The following DNAH11 variants were observed in gnomAD, a reference collection of about 807,000 sequenced individuals.
The protein encoded by DNAH11 is axonemal beta dynein heavy chain 11.
Under a neutral mutation model 526.0 loss-of-function variants are expected in DNAH11, and 442 were observed. The observed-to-expected ratio is 0.84, with a 90% CI of 0.78 to 0.91. DNAH11 has a LOEUF of 0.91. Ranked by LOEUF, DNAH11 falls within the 40% of genes least tolerant of loss-of-function variation. DNAH11 has a pLI of 0.00. For missense variants in DNAH11, 6,989 were observed against 5,448.7 expected (o/e 1.28, Z -8.90); for synonymous variants, 2,461 against 1,935.9 (o/e 1.27, Z -7.12).
chr7:21,745,130 T>G, intron 51 of DNAH11, 67 bp downstream of exon 51: 1 of 1,475,850 alleles, frequency 6.8e-7, no homozygotes, highest in Non-Finnish European at 9.2e-7. Flanking sequence ...TACTGTCATT[T>G]TTCAATAGAT....
chr7:21,707,554 T>A, intron 39 of DNAH11, 145 bp from the exon 40 acceptor site: 1 of 983,172 alleles, frequency 1.0e-6, no homozygotes, highest in Non-Finnish European at 1.4e-6. Flanking sequence ...AATGCACACA[T>A]GTGCATTTTT....
chr7:21,596,636 A>G (rs939535798), intron 14 of DNAH11, among the ~76,000 whole-genome samples: 30 of 152,372 alleles, frequency 2.0e-4, no homozygotes, highest in African/African-American at 6.5e-4. Context: ...CCATTAAGAT[A>G]TGAATCCTGA....
intron 2 of DNAH11, among the ~76,000 whole-genome samples, chr7:21,552,474 C>G (rs1357755465): frequency 2.6e-5 from 4 of 152,124 alleles, no homozygotes; most frequent in Non-Finnish European, 5.9e-5. Flanking sequence ...TATTTAACTT[C>G]TTTTTCTACA....
chr7:21,631,911 A>T (rs754153939), intron 25 of DNAH11, among the ~76,000 whole-genome samples: 1 of 152,132 alleles, frequency 6.6e-6, no homozygotes, highest in Admixed American at 6.5e-5. Context: ...CTGATCCCAC[A>T]TTTCCCTTCT....
At chr7:21,785,914 GGAAATACCTGGTT>G (rs1013553182) in intron 58 of DNAH11, among the ~76,000 whole-genome samples, 2 of 152,194 alleles carry the variant, frequency 1.3e-5, no homozygotes, top group Admixed American at 1.3e-4. Context: ...AAGTATCACA[GGAAATACCTGGTT>G]GGTTGTTTTT....
Position 21,901,184 on chromosome 7 carries a change from T to TCAGGCTGAAGAGCG in DNAH11, c.13482_13495dup (p.Glu4499AlafsTer3). On this transcript the variant is annotated frameshift_variant, in exon 82 of 82. Coordinates refer to ENST00000409508, the MANE Select transcript of DNAH11 (RefSeq NM_001277115.2). LOFTEE classifies it high-confidence loss of function. ...AGAGGCCCCAGCTACATCTGGACCT[T>TCAGGCTGAAGAGCG]CAGGCTGAAGAGCGAAGAGAAGACT... 1 of 1,613,880 alleles carries TCAGGCTGAAGAGCG rather than the reference T, an allele frequency of 6.2e-7. No individual in the cohort carries two copies. The highest frequency in any genetic ancestry group is 8.5e-7 in the Non-Finnish European group (1 of 1,179,858).
intron 68 of DNAH11, among the ~76,000 whole-genome samples, chr7:21,859,867 G>A (rs1458421441): frequency 6.6e-6 from 1 of 151,990 alleles, no homozygotes; most frequent in Non-Finnish European, 1.5e-5. Flanking sequence ...GAAAGTACAT[G>A]GGAACAACAA....
At chr7:21,549,154 C>T (rs139329535) in intron 2 of DNAH11, among the ~76,000 whole-genome samples, 2 of 152,302 alleles carry the variant, frequency 1.3e-5, no homozygotes, top group African/African-American at 4.8e-5. Flanking sequence ...CCTGGGAATA[C>T]AGGCATGAGC....
intron 45 of DNAH11, among the ~76,000 whole-genome samples, chr7:21,728,339 C>T (rs1785228106): frequency 7.0e-6 from 1 of 143,338 alleles, no homozygotes. Context: ...CTCACTGCAA[C>T]CTCAGCCTCC....
chr7:21,736,920 A>C (rs2128489455), intron 46 of DNAH11, among the ~76,000 whole-genome samples: 1 of 152,288 alleles, frequency 6.6e-6, no homozygotes, highest in South Asian at 2.1e-4. Flanking sequence ...TTTCATTTGC[A>C]GATATGAAAG....
intron 51 of DNAH11, among the ~76,000 whole-genome samples, chr7:21,746,095 T>C (rs1472182208): frequency 1.3e-5 from 2 of 152,102 alleles, no homozygotes; most frequent in Non-Finnish European, 2.9e-5. Flanking sequence ...TGAGAAGTGG[T>C]TGGATGGGTT....
At chr7:21,583,983 G>C (rs1784400720) in intron 9 of DNAH11, among the ~76,000 whole-genome samples, 1 of 152,162 alleles carries the variant, frequency 6.6e-6, no homozygotes, top group Admixed American at 6.6e-5. Flanking sequence ...GTTGGTGGGA[G>C]TGCAAATTAG....
In DNAH11 at chr7:21,818,285, C is replaced by A; in HGVS notation, c.10637C>A (p.Thr3546Lys). ...DVILIENLEETIDPVLDPLLG... is the reference protein window; with the variant it reads ...DVILIENLEEKIDPVLDPLLG... ...ATCTTAATTGAAAATCTCGAGGAAA[C>A]GATAGATCCAGTCCTGGATCCACTA... The change falls in exon 65 of 82, where the codon ACG becomes AAG. Residue 3546 changes from threonine (T) to lysine (K), a missense_variant. By Grantham distance (78) the Thr-to-Lys change is moderately conservative. Transcript: ENST00000409508. 1 of 1,611,784 alleles carries A rather than the reference C, an allele frequency of 6.2e-7. No homozygotes were observed. The highest frequency in any genetic ancestry group is 8.5e-7 in the Non-Finnish European group (1 of 1,178,882).
At chr7:21,615,342 A>G (rs574342426) in intron 21 of DNAH11, 70 bp downstream of exon 21, 5 of 1,535,270 alleles carry the variant, frequency 3.3e-6, no homozygotes, top group African/African-American at 2.8e-5. Flanking sequence ...TGTGGAGCCT[A>G]TATTATTCTA....
At position 21,707,782 on chromosome 7, in the gene DNAH11, A is replaced by C. The variant is rs1304334541; in HGVS notation, c.6630A>C (p.Thr2210=). The change falls in exon 40 of 82, where the codon ACA becomes ACC. Residue 2210 remains threonine (T), a synonymous_variant. Coordinates refer to ENST00000409508, the MANE Select transcript of DNAH11 (RefSeq NM_001277115.2). ...ACTTAAACCCTAAAGCTGTGACAAC[A>C]GATGAACTCTTTGGTTTCATACATC... is the stretch of plus-strand genomic sequence containing the variant. ...WNDLNPKAVT[T]DELFGFIHHA... 6.2e-7 allele frequency: 1 copy of C among 1,612,792 alleles called. No individual in the cohort carries two copies. The highest frequency in any genetic ancestry group is 1.3e-5 in the African/African-American group (1 of 74,892).
rs1583787819 is a variant in DNAH11 at position 21,864,529 on chromosome 7, C to T, written c.11374-6C>T. On this transcript the variant is annotated splice_polypyrimidine_tract_variant and splice_region_variant and intron_variant, in intron 69 of 81. Transcript: ENST00000409508. ...ATAATCCTTTTCAATTTTGTCTACT[C>T]TCAAGATTTTGTTGAGAAAGAAAGA... The T allele has an allele frequency of 1.2e-6, 2 of 1,610,356 alleles. No individual in the cohort carries two copies. The highest frequency in any genetic ancestry group is 1.7e-6 in the Non-Finnish European group (2 of 1,178,460).
chr7:21,786,953 G>A (rs1324142692), intron 59 of DNAH11, among the ~76,000 whole-genome samples, 186 bp downstream of exon 59: 3 of 152,166 alleles, frequency 2.0e-5, no homozygotes, highest in Non-Finnish European at 2.9e-5. Context: ...AGTTAGCTTG[G>A]GGTTATGGCA....
chr7:21,800,451 G>A (rs1050892786), intron 61 of DNAH11, among the ~76,000 whole-genome samples: 2 of 152,120 alleles, frequency 1.3e-5, no homozygotes, highest in African/African-American at 4.8e-5. Flanking sequence ...GGCCAACATG[G>A]CGAAACCTCA....
At chr7:21,543,843 T>G (rs1159598015) in intron 1 of DNAH11, 1 of 549,948 alleles carries the variant, frequency 1.8e-6, no homozygotes, top group Non-Finnish European at 3.2e-6. Flanking sequence ...TTGAGCCTGT[T>G]CGACCAGGAT....
Sources: gnomAD v4.1 joint callset for allele counts (sites outside exome capture counted in the v4.1 genomes callset) on GRCh38, gnomAD v4.1.1 for gene constraint, MANE v1.5 for transcripts, NCBI Gene and HGNC (gene_info 2026-07-23, HGNC 2026-07-21) for gene names.